MYZAP: variants seen among roughly 807,000 people sequenced by gnomAD.
MYZAP encodes myocardial zonula adherens protein, also known as GRINL1A complex locus upstream.
Under a neutral mutation model 69.4 loss-of-function variants are expected in MYZAP, and 66 were observed. The observed-to-expected ratio is 0.95, with a 90% CI of 0.78 to 1.17. The LOEUF is 1.17. Ranked by LOEUF, MYZAP falls within the 50% of genes most tolerant of loss-of-function variation. The pLI is 0.00. For synonymous variants in MYZAP, 256 were observed against 205.9 expected (o/e 1.24, Z -2.09); for missense variants, 611 against 556.2 (o/e 1.10, Z -0.99).
Position 57,643,050 on chromosome 15 carries a change from G to T in MYZAP, c.1119+3505G>T, listed in dbSNP as rs771894486. On this transcript the variant is annotated intron_variant, in intron 10 of 12. Transcript: ENST00000267853. ...TAAGTCTCCTGTCATGGATGTCAGG[G>T]GGTTGGGTATCTCCCCCATCACTAG... is the stretch of plus-strand genomic sequence containing the variant. 1.1e-3 allele frequency among the ~76,000 whole-genome samples: 166 copies of T among 152,272 alleles called. 2 individuals carry two copies. Among genetic ancestry groups the T allele is most frequent in the Non-Finnish European group, 1.9e-3 (126 of 68,014 alleles).
intron 12 of MYZAP, among the ~76,000 whole-genome samples, chr15:57,679,164 G>C (rs952407890): frequency 1.1e-4 from 17 of 151,978 alleles, no homozygotes; most frequent in African/African-American, 3.9e-4. Context: ...CAACAAGAGT[G>C]AAACTCCGTC....
intron 11 of MYZAP, among the ~76,000 whole-genome samples, chr15:57,670,223 G>A (rs74821895): frequency 0.022 from 3,316 of 151,960 alleles, 133 homozygotes; most frequent in African/African-American, 0.076. Flanking sequence ...CCTTACCATG[G>A]TTTTAGACTG....
chr15:57,639,487 G>T lies in MYZAP; in HGVS notation c.1061G>T (p.Arg354Ile), dbSNP rs1041195485. 1 of 1,614,032 alleles carries T rather than the reference G, an allele frequency of 6.2e-7. No homozygotes were observed. The highest frequency in any genetic ancestry group is 1.7e-5 in the Admixed American group (1 of 60,004). ...TCAGCCAGCCTCCGTGAGCGGATCA[G>T]ACACCTAGATGACATGGTGCATTGC... ...EASASLRERIRHLDDMVHCQQ... is the reference protein window; with the variant it reads ...EASASLRERIIHLDDMVHCQQ... Residue 354 changes from arginine (R) to isoleucine (I), a missense_variant, in exon 10 of 13, where the codon AGA (arginine) becomes ATA (isoleucine). By Grantham distance (97) the Arg-to-Ile change is moderately conservative. Coordinates refer to ENST00000267853, the MANE Select transcript of MYZAP (RefSeq NM_001018100.5).
Position 57,628,239 on chromosome 15 carries a change from C to T in MYZAP, c.526-1463C>T, listed in dbSNP as rs114838312. ...AGAGTTAACCAAGTAGAAACCAAAG[C>T]AGTAAATAGCACCACCATTTTTTTC... is the stretch of plus-strand genomic sequence containing the variant. On this transcript the variant is annotated intron_variant, in intron 5 of 12. Coordinates refer to ENST00000267853, the MANE Select transcript of MYZAP (RefSeq NM_001018100.5). Among the ~76,000 whole-genome samples the T allele has an allele frequency of 3.3e-3, 497 of 152,216 alleles. 5 individuals are homozygous for T. The highest frequency in any genetic ancestry group is 0.011 in the African/African-American group (474 of 41,516).
chr15:57,661,405 A>T (rs2038297434), intron 10 of MYZAP, 45 bp from the exon 11 acceptor site: 2 of 1,430,432 alleles, frequency 1.4e-6, no homozygotes, highest in African/African-American at 2.8e-5. Context: ...GTACTTACAC[A>T]ATTGTACATT....
At chr15:57,618,009 T>G in intron 2 of MYZAP, 24 bp from the exon 3 acceptor site, 1 of 1,606,522 alleles carries the variant, frequency 6.2e-7, no homozygotes, top group Non-Finnish European at 8.5e-7. Context: ...ATTATTCTTT[T>G]TTTCTTTTCC....
intron 12 of MYZAP, 122 bp downstream of exon 12, chr15:57,675,190 G>A (rs1198303718): frequency 8.8e-6 from 8 of 909,858 alleles, no homozygotes; most frequent in East Asian, 5.4e-5. Context: ...CTGCAAAGCC[G>A]AGTGGTGGCT....
intron 10 of MYZAP, among the ~76,000 whole-genome samples, chr15:57,652,574 C>T (rs1292305846): frequency 6.6e-6 from 1 of 152,096 alleles, no homozygotes; most frequent in African/African-American, 2.4e-5. Flanking sequence ...CAATTATTCT[C>T]ATAGTCACAG....
At chr15:57,622,297 G>A (rs1406433930) in intron 4 of MYZAP, among the ~76,000 whole-genome samples, 2 of 152,056 alleles carry the variant, frequency 1.3e-5, no homozygotes, top group Non-Finnish European at 2.9e-5. Flanking sequence ...TAAGTGGAAA[G>A]AAACACCATG....
At chr15:57,659,527 A>G (rs1394461656) in intron 10 of MYZAP, among the ~76,000 whole-genome samples, 5 of 152,196 alleles carry the variant, frequency 3.3e-5, no homozygotes, top group Non-Finnish European at 5.9e-5. Context: ...TCCAAACATG[A>G]TGATACCACA....
chr15:57,637,277 C>A (rs2036871249), intron 8 of MYZAP, among the ~76,000 whole-genome samples: 1 of 152,196 alleles, frequency 6.6e-6, no homozygotes, highest in African/African-American at 2.4e-5. Context: ...AGTGAATACA[C>A]CTGTGTAAAC....
intron 5 of MYZAP, among the ~76,000 whole-genome samples, chr15:57,627,413 G>C (rs867728805): frequency 2.9e-5 from 4 of 138,380 alleles, no homozygotes; most frequent in African/African-American, 8.0e-5. Context: ...GGAGGGGAAG[G>C]GGGAGGAGGA....
At chr15:57,599,587 C>T in intron 1 of MYZAP, 2 of 1,288,194 alleles carry the variant, frequency 1.6e-6, no homozygotes, top group Non-Finnish European at 2.0e-6. Flanking sequence ...TTTGGGAACC[C>T]CTGGGAATAA....
At chr15:57,627,663 A>G (rs572785869) in intron 5 of MYZAP, among the ~76,000 whole-genome samples, 17 of 152,280 alleles carry the variant, frequency 1.1e-4, no homozygotes, top group Admixed American at 7.8e-4. Context: ...ATTCCATAGA[A>G]TGTCAGAGCT....
chr15:57,622,538 G>A (rs186649293), intron 4 of MYZAP, among the ~76,000 whole-genome samples: 1 of 152,226 alleles, frequency 6.6e-6, no homozygotes, highest in East Asian at 1.9e-4. Flanking sequence ...GATTGAAACA[G>A]TATCATAGTG....
intron 10 of MYZAP, among the ~76,000 whole-genome samples, chr15:57,640,925 A>G (rs555342122): frequency 9.8e-5 from 15 of 152,322 alleles, no homozygotes; most frequent in Non-Finnish European, 1.9e-4. Flanking sequence ...TATCGTCAAC[A>G]CTAGGTAGAT....
intron 12 of MYZAP, among the ~76,000 whole-genome samples, chr15:57,679,035 G>C (rs1028889785): frequency 6.6e-6 from 1 of 152,116 alleles, no homozygotes; most frequent in South Asian, 2.1e-4. Context: ...AATTAGCCAG[G>C]TGTGGTGACA....
chr15:57,647,209 A>C, intron 10 of MYZAP: 1 of 985,344 alleles, frequency 1.0e-6, no homozygotes. Flanking sequence ...GAGGGAGGGG[A>C]TGGGAAAGAA....
chr15:57,632,054 G>C (rs1368638806), intron 6 of MYZAP, among the ~76,000 whole-genome samples: 1 of 152,332 alleles, frequency 6.6e-6, no homozygotes, highest in Admixed American at 6.5e-5. Flanking sequence ...ATTTAGGAAA[G>C]CACAAGGGTA....
Sources: gnomAD v4.1 joint callset for allele counts (sites outside exome capture counted in the v4.1 genomes callset) on GRCh38, gnomAD v4.1.1 for gene constraint, MANE v1.5 for transcripts, NCBI Gene and HGNC (gene_info 2026-07-23, HGNC 2026-07-21) for gene names.